PDS5A: variants seen among roughly 807,000 people sequenced by gnomAD.
The protein encoded by PDS5A is sister chromatid cohesion protein PDS5 homolog A.
In PDS5A, 42 loss-of-function variants were observed where a neutral mutation model predicts 167.1. That is an observed-to-expected ratio of 0.25 (90% CI 0.20 to 0.33). The LOEUF is 0.33. Among genes scored for constraint, PDS5A ranks in the 10% least tolerant of loss-of-function variants. PDS5A has a pLI of 1.00. For missense variants in PDS5A, 1,033 were observed against 1,605.9 expected, an observed-to-expected ratio of 0.64 and a Z score of 6.10; for synonymous variants, 553 against 554.6, an observed-to-expected ratio of 1.00 and a Z score of 0.04.
At chr4:39,946,386 G>C (rs2109777352) in intron 2 of PDS5A, among the ~76,000 whole-genome samples, 2 of 152,040 alleles carry the variant, frequency 1.3e-5, no homozygotes, top group Middle Eastern at 3.4e-3. Context: ...AACGGGTGGT[G>C]GGAAAAAGCA....
At position 39,902,310 on chromosome 4, in the gene PDS5A, C is replaced by T. The variant is rs775047014; in HGVS notation, c.1499+37G>A. ...TAAGATGAAGTAATTTTACGAAATC[C>T]TTAGAAAATACAGCAGTTATTTGAA... On this transcript the variant is annotated intron_variant, in intron 13 of 32. Coordinates refer to ENST00000303538, the MANE Select transcript of PDS5A (RefSeq NM_001100399.2). 32 of 940,482 alleles carry T rather than the reference C, an allele frequency of 3.4e-5. No homozygotes were observed. The African/African-American group carries it at 5.2e-4, about 15-fold the overall frequency. 58.3% of individuals were successfully genotyped at this position (940,482 alleles called of 1,614,324 possible). A position where few individuals can be genotyped will look rare whatever the true frequency, so the allele number is the denominator to read the frequency against.
At chr4:39,912,768 T>G (rs1250168796) in intron 9 of PDS5A, among the ~76,000 whole-genome samples, 1 of 152,214 alleles carries the variant, frequency 6.6e-6, no homozygotes, top group Non-Finnish European at 1.5e-5. Flanking sequence ...ATTTCATAAA[T>G]TTGTCAACAC....
chr4:39,935,498 C>A (rs1052794438), intron 2 of PDS5A, among the ~76,000 whole-genome samples: 1 of 152,112 alleles, frequency 6.6e-6, no homozygotes, highest in Non-Finnish European at 1.5e-5. Flanking sequence ...GCTTTTGGGT[C>A]GAGGTGTTCA....
chr4:39,966,480 T>C (rs994467437), intron 2 of PDS5A, among the ~76,000 whole-genome samples: 6 of 152,192 alleles, frequency 3.9e-5, no homozygotes, highest in East Asian at 3.8e-4. Context: ...ATGAGAATGG[T>C]TGATACAGGA....
At chr4:39,895,983 C>CA (rs1210229550) in intron 16 of PDS5A, among the ~76,000 whole-genome samples, 2 of 151,292 alleles carry the variant, frequency 1.3e-5, no homozygotes, top group Non-Finnish European at 2.9e-5. Flanking sequence ...CTCGGCCTCC[C>CA]AAAGTGCTGG....
chr4:39,924,045 AGGC>A (rs978127053), intron 5 of PDS5A, among the ~76,000 whole-genome samples: 1 of 152,184 alleles, frequency 6.6e-6, no homozygotes, highest in African/African-American at 2.4e-5. Flanking sequence ...ATAAAATATA[AGGC>A]CAAGAATCAC....
intron 2 of PDS5A, among the ~76,000 whole-genome samples, chr4:39,967,463 T>C (rs1730084328): frequency 6.6e-6 from 1 of 151,974 alleles, no homozygotes; most frequent in Non-Finnish European, 1.5e-5. Flanking sequence ...CTGACCAACA[T>C]GGTGAAACCC....
chr4:39,899,851 TAAAAAAA>T (rs532738160), intron 14 of PDS5A, among the ~76,000 whole-genome samples: 7 of 102,406 alleles, frequency 6.8e-5, no homozygotes, highest in South Asian at 3.0e-4. Flanking sequence ...TCCTGTGTAT[TAAAAAAA>T]AAAAAAAAAA....
At chr4:39,918,162 G>A (rs934831558) in intron 7 of PDS5A, among the ~76,000 whole-genome samples, 1 of 123,432 alleles carries the variant, frequency 8.1e-6, no homozygotes, top group Non-Finnish European at 1.6e-5. Context: ...CTGCATGGGA[G>A]ACAGAACAAG....
At chr4:39,844,402 G>A (rs1184408144) in intron 30 of PDS5A, among the ~76,000 whole-genome samples, 1 of 151,514 alleles carries the variant, frequency 6.6e-6, no homozygotes, top group Non-Finnish European at 1.5e-5. Flanking sequence ...TTGAACCCGG[G>A]AGGCAGAGGT....
intron 26 of PDS5A, among the ~76,000 whole-genome samples, chr4:39,859,748 G>A (rs1477395150): frequency 1.3e-5 from 2 of 152,136 alleles, no homozygotes; most frequent in Non-Finnish European, 2.9e-5. Flanking sequence ...GTGGAACTCC[G>A]AGCTCTCCAC....
At chr4:39,969,531 T>G (rs983980136) in intron 2 of PDS5A, among the ~76,000 whole-genome samples, 1 of 151,998 alleles carries the variant, frequency 6.6e-6, no homozygotes, top group African/African-American at 2.4e-5. Flanking sequence ...CCAGGCGTGG[T>G]GGTGGATGCC....
At chr4:39,876,334 C>T (rs1159547289) in intron 19 of PDS5A, among the ~76,000 whole-genome samples, 1 of 152,158 alleles carries the variant, frequency 6.6e-6, no homozygotes, top group Non-Finnish European at 1.5e-5. Flanking sequence ...ACAATGGACA[C>T]TGAATTATTT....
At chr4:39,829,727 G>A (rs1271170877) in intron 32 of PDS5A, among the ~76,000 whole-genome samples, 11 of 151,396 alleles carry the variant, frequency 7.3e-5, no homozygotes, top group African/African-American at 9.7e-5. Flanking sequence ...CGAGGCGGGC[G>A]GATCACAAGG....
At chr4:39,924,497 G>A (rs970748872) in intron 5 of PDS5A, among the ~76,000 whole-genome samples, 16 of 152,062 alleles carry the variant, frequency 1.1e-4, no homozygotes, top group African/African-American at 3.6e-4. Flanking sequence ...GTTTGTTTCA[G>A]GATAATGTCT....
chr4:39,977,857 G>C lies in PDS5A; in HGVS notation c.-441C>G, dbSNP rs1399853482. ...GCGCGCCCGGCCGTCCGTGCCCCGG[G>C]AGCCGGGGCCTCGCGCACACACCGG... On this transcript the variant is annotated 5_prime_UTR_variant, in exon 1 of 33. Coordinates refer to ENST00000303538, the MANE Select transcript of PDS5A (RefSeq NM_001100399.2). This position sits in a 1 kb window ranked among gnomAD's most constrained non-coding sequence, Gnocchi z 4.2. 2.0e-5 allele frequency: 3 copies of C among 149,870 alleles called. No individual in the cohort carries two copies. Among genetic ancestry groups the C allele is most frequent in the Non-Finnish European group, 4.5e-5 (3 of 67,126 alleles). The allele number at this position is 149,870 out of a possible 1,614,324, so 9.3% of individuals were successfully genotyped here.
rs774619278 is a variant in PDS5A at position 39,976,564 on chromosome 4, G to A, written c.14C>T (p.Ala5Val). 6.2e-7 allele frequency: 1 copy of A among 1,612,144 alleles called. No individual in the cohort carries two copies. The highest frequency in any genetic ancestry group is 8.5e-7 in the Non-Finnish European group (1 of 1,178,522). The part of the protein sequence containing the change: MDFT[A>V]QPKPATALCG... Reference sequence around the variant, plus strand: ...GAGGGCAGTGGCAGGCTTGGGCTGCGCGGTGAAGTCCATCCTGGGGGACAA... The same window carrying A: ...GAGGGCAGTGGCAGGCTTGGGCTGCACGGTGAAGTCCATCCTGGGGGACAA... The change falls in exon 2 of 33, where the codon GCG becomes GTG. Residue 5 changes from alanine to valine, a missense_variant. Physicochemically the swap from Ala to Val is moderately conservative, Grantham distance 64. Around this residue, in one of 4 missense-constraint regions of PDS5A, gnomAD observed 388 missense variants for 615.1 expected, o/e 0.63. Transcript: ENST00000303538.
intron 17 of PDS5A, among the ~76,000 whole-genome samples, chr4:39,884,229 C>T (rs954657768): frequency 2.0e-5 from 3 of 151,992 alleles, no homozygotes; most frequent in African/African-American, 4.8e-5. Context: ...GCCTGGCCTC[C>T]TTTGCTTTTT....
At chr4:39,962,065 T>TG (rs1476664360) in intron 2 of PDS5A, among the ~76,000 whole-genome samples, 2 of 150,914 alleles carry the variant, frequency 1.3e-5, no homozygotes, top group Non-Finnish European at 3.0e-5. Context: ...GAGTTTTTGT[T>TG]TTTTTTTTTT....
Sources: allele counts gnomAD v4.1 joint callset (sites outside exome capture counted in the v4.1 genomes callset), GRCh38; gene constraint gnomAD v4.1.1; regional missense constraint gnomAD v4.1.1; non-coding constraint Gnocchi (gnomAD v3.1); transcripts MANE v1.5; gene names NCBI Gene and HGNC (gene_info 2026-07-23, HGNC 2026-07-21).